Variants in CHSY3 observed in about 807,000 individuals in gnomAD.
CHSY3 encodes the protein N-acetylgalactosaminyl-proteoglycan 3-beta-glucuronosyltransferase 3.
Under a neutral mutation model 67.2 loss-of-function variants are expected in CHSY3, and 35 were observed. The observed-to-expected ratio is 0.52, with a 90% CI of 0.40 to 0.69. The LOEUF (loss-of-function observed/expected upper bound fraction) is 0.69. CHSY3 is among the 30% of genes least tolerant of loss of function. The pLI is 0.00. For missense variants in CHSY3, 1,069 were observed against 1,138.5 expected, an observed-to-expected ratio of 0.94 and a Z score of 0.88; for synonymous variants, 474 against 434.7, an observed-to-expected ratio of 1.09 and a Z score of -1.12.
chr5:129,927,661 A>AT (rs1761161509), intron 2 of CHSY3, among the ~76,000 whole-genome samples: 1 of 152,080 alleles, frequency 6.6e-6, no homozygotes, highest in Admixed American at 6.6e-5. Context: ...ATAGTGGCAC[A>AT]TATCAGTTTC....
chr5:130,091,146 G>GCGCACACACACACA lies in CHSY3; in HGVS notation c.1087-93082_1087-93081insGCACACACACACAC, dbSNP rs1554082166. On this transcript the variant is annotated intron_variant, in intron 2 of 2. Coordinates refer to ENST00000305031, the MANE Select transcript of CHSY3 (RefSeq NM_175856.5). ...CACACACACACACACGCACACGCGC[G>GCGCACACACACACA]CACACACACACACACACTACTTTTG... Among the ~76,000 whole-genome samples, 23 of 149,548 alleles carry GCGCACACACACACA rather than the reference G, an allele frequency of 1.5e-4. No individual in the cohort carries two copies. The South Asian group carries it at 3.0e-3, about 19-fold the overall frequency.
intron 2 of CHSY3, among the ~76,000 whole-genome samples, chr5:130,029,667 C>A (rs1340325290): frequency 6.6e-6 from 1 of 152,066 alleles, no homozygotes; most frequent in African/African-American, 2.4e-5. Context: ...CTCAGCTAGC[C>A]CTCTTTTTTT....
At chr5:130,067,939 G>C (rs888028049) in intron 2 of CHSY3, among the ~76,000 whole-genome samples, 1 of 152,108 alleles carries the variant, frequency 6.6e-6, no homozygotes, top group African/African-American at 2.4e-5. Flanking sequence ...CATAGTTTAG[G>C]TCTATGAAAG....
chr5:130,052,389 A>G (rs1452139861), intron 2 of CHSY3, among the ~76,000 whole-genome samples: 1 of 152,152 alleles, frequency 6.6e-6, no homozygotes, highest in Non-Finnish European at 1.5e-5. Context: ...TCTATTAACT[A>G]TGTAACTATT....
intron 2 of CHSY3, among the ~76,000 whole-genome samples, chr5:130,123,022 C>T (rs1768102005): frequency 6.6e-6 from 1 of 151,688 alleles, no homozygotes; most frequent in East Asian, 1.9e-4. Flanking sequence ...AGAATTCATC[C>T]TATTGGCCAT....
chr5:130,088,304 A>G (rs1305208606), intron 2 of CHSY3, among the ~76,000 whole-genome samples: 1 of 150,730 alleles, frequency 6.6e-6, no homozygotes, highest in East Asian at 1.9e-4. Flanking sequence ...GGACATAGGC[A>G]TGGGCAAGGA....
At chr5:130,123,470 C>A (rs1768125036) in intron 2 of CHSY3, among the ~76,000 whole-genome samples, 1 of 152,146 alleles carries the variant, frequency 6.6e-6, no homozygotes, top group Admixed American at 6.5e-5. Flanking sequence ...ATGCACAGTT[C>A]ACAGTAGCGT....
chr5:129,990,864 A>G (rs928397263), intron 2 of CHSY3, among the ~76,000 whole-genome samples: 14 of 152,280 alleles, frequency 9.2e-5, no homozygotes, highest in African/African-American at 3.1e-4. Context: ...TGGTAACATG[A>G]TGGTTGACAA....
chr5:130,056,566 T>C (rs547934073), intron 2 of CHSY3, among the ~76,000 whole-genome samples: 5 of 152,316 alleles, frequency 3.3e-5, no homozygotes, highest in Admixed American at 2.6e-4. Context: ...GATCTTTTTG[T>C]TTTACAGCTT....
chr5:130,136,071 G>C (rs530052465), intron 2 of CHSY3, among the ~76,000 whole-genome samples: 1 of 152,310 alleles, frequency 6.6e-6, no homozygotes, highest in South Asian at 2.1e-4. Flanking sequence ...TTAAGACAAA[G>C]TGTTGAATAA....
chr5:130,152,336 A>C (rs1219939721), intron 2 of CHSY3, among the ~76,000 whole-genome samples: 1 of 152,244 alleles, frequency 6.6e-6, no homozygotes, highest in East Asian at 1.9e-4. Context: ...TATATTCAGT[A>C]AGAAACAGCT....
chr5:129,929,546 C>G (rs1761230391), intron 2 of CHSY3, among the ~76,000 whole-genome samples: 1 of 151,926 alleles, frequency 6.6e-6, no homozygotes, highest in South Asian at 2.1e-4. Flanking sequence ...GGAACATGTT[C>G]CTTGTTCTGG....
At chr5:129,993,512 T>C (rs988421906) in intron 2 of CHSY3, among the ~76,000 whole-genome samples, 2 of 152,164 alleles carry the variant, frequency 1.3e-5, no homozygotes, top group African/African-American at 4.8e-5. Context: ...GTCTGTTTTA[T>C]CAGAGACTAG....
At chr5:130,178,785 G>A (rs1372344131) in intron 2 of CHSY3, among the ~76,000 whole-genome samples, 1 of 152,120 alleles carries the variant, frequency 6.6e-6, no homozygotes, top group Non-Finnish European at 1.5e-5. Flanking sequence ...CAGAGATGAT[G>A]GAAAATAAAT....
chr5:129,919,371 G>T (rs1366595347), intron 2 of CHSY3, among the ~76,000 whole-genome samples: 3 of 152,160 alleles, frequency 2.0e-5, no homozygotes, highest in Admixed American at 1.3e-4. Context: ...CAACTAATCA[G>T]TTGCACTCAG....
intron 2 of CHSY3, among the ~76,000 whole-genome samples, chr5:129,910,342 T>G (rs534084877): frequency 6.6e-6 from 1 of 152,158 alleles, no homozygotes; most frequent in South Asian, 2.1e-4. Flanking sequence ...CTAAACTAAT[T>G]GTCTCAACAT....
chr5:130,181,475 T>G (rs1439781748), intron 2 of CHSY3, among the ~76,000 whole-genome samples: 1 of 152,122 alleles, frequency 6.6e-6, no homozygotes, highest in African/African-American at 2.4e-5. Context: ...TGTCTCTCTC[T>G]CCAGGCCCAC....
chr5:129,928,029 A>G (rs2149587008), intron 2 of CHSY3, among the ~76,000 whole-genome samples: 1 of 152,204 alleles, frequency 6.6e-6, no homozygotes, highest in South Asian at 2.1e-4. Context: ...GTAGAAAATT[A>G]TGAAAATACA....
At chr5:129,962,720 G>A (rs968856080) in intron 2 of CHSY3, among the ~76,000 whole-genome samples, 4 of 152,052 alleles carry the variant, frequency 2.6e-5, no homozygotes, top group Admixed American at 2.6e-4. Context: ...CCTCCTCTTT[G>A]ATGGTGACAT....
Sources: gnomAD v4.1 joint callset for allele counts (sites outside exome capture counted in the v4.1 genomes callset) on GRCh38, gnomAD v4.1.1 for gene constraint, MANE v1.5 for transcripts, NCBI Gene and HGNC (gene_info 2026-07-23, HGNC 2026-07-21) for gene names.